Variants in SYNPO2 observed in about 807,000 individuals in gnomAD.
SYNPO2 encodes the protein synaptopodin 2, also known as synaptopodin-2.
In SYNPO2, 56 loss-of-function variants were observed where a neutral mutation model predicts 85.0. The ratio of observed to expected loss-of-function variants is 0.66; its 90% CI spans 0.53 to 0.82. The LOEUF (loss-of-function observed/expected upper bound fraction) is 0.82. SYNPO2 is among the 40% of genes least tolerant of loss of function. The pLI, the probability that SYNPO2 is intolerant of heterozygous loss-of-function variation, is 0.00. For missense variants in SYNPO2, 1,575 were observed against 1,534.2 expected (o/e 1.03, Z -0.44); for synonymous variants, 602 against 591.1 (o/e 1.02, Z -0.27).
At chr4:118,914,500 G>A (rs764287808) in intron 1 of SYNPO2, among the ~76,000 whole-genome samples, 6 of 152,122 alleles carry the variant, frequency 3.9e-5, no homozygotes, top group African/African-American at 1.4e-4. Flanking sequence ...AGTTTAAAAA[G>A]GAGAGTATTT....
chr4:119,034,333 G>T, intron 4 of SYNPO2: 4 of 979,248 alleles, frequency 4.1e-6, no homozygotes, highest in Non-Finnish European at 4.9e-6. Context: ...AGTATCCTAG[G>T]ATGGTAATGA....
At chr4:118,970,931 A>T (rs912497928) in intron 1 of SYNPO2, among the ~76,000 whole-genome samples, 1 of 152,224 alleles carries the variant, frequency 6.6e-6, no homozygotes, top group African/African-American at 2.4e-5. Context: ...TGAGTTCCAG[A>T]GGACACAGAA....
At chr4:119,039,665 G>A (rs1265598935) in intron 4 of SYNPO2, among the ~76,000 whole-genome samples, 1 of 152,090 alleles carries the variant, frequency 6.6e-6, no homozygotes, top group Admixed American at 6.6e-5. Flanking sequence ...CAGCCAACCA[G>A]CATCACATAT....
chr4:118,990,727 G>A (rs776066755), intron 1 of SYNPO2, among the ~76,000 whole-genome samples: 2 of 152,192 alleles, frequency 1.3e-5, no homozygotes, highest in Non-Finnish European at 2.9e-5. Context: ...TCGTGCCTCA[G>A]CCTCCTGAGT....
chr4:118,918,950 G>A (rs939131966), intron 1 of SYNPO2, among the ~76,000 whole-genome samples: 1 of 152,094 alleles, frequency 6.6e-6, no homozygotes, highest in African/African-American at 2.4e-5. Flanking sequence ...ATTATTAATT[G>A]TACCAACCAG....
chr4:118,984,599 T>C (rs1427381507), intron 1 of SYNPO2, among the ~76,000 whole-genome samples: 2 of 152,204 alleles, frequency 1.3e-5, no homozygotes, highest in Non-Finnish European at 2.9e-5. Context: ...CCTCTGCCAG[T>C]GGTGTCTTTC....
At chr4:118,983,951 T>G (rs1736125978) in intron 1 of SYNPO2, among the ~76,000 whole-genome samples, 1 of 152,224 alleles carries the variant, frequency 6.6e-6, no homozygotes, top group Non-Finnish European at 1.5e-5. Context: ...AAATTTCAAC[T>G]ATCCTTGACT....
chr4:118,879,260 G>T (rs569266833), intron 1 of SYNPO2, among the ~76,000 whole-genome samples: 1 of 152,198 alleles, frequency 6.6e-6, no homozygotes, highest in African/African-American at 2.4e-5. Flanking sequence ...TGAACCCACT[G>T]GAATGAACCA....
At chr4:118,955,049 C>T (rs567253173) in intron 1 of SYNPO2, among the ~76,000 whole-genome samples, 2 of 144,080 alleles carry the variant, frequency 1.4e-5, no homozygotes, top group African/African-American at 5.2e-5. Flanking sequence ...ACCTAGGCTA[C>T]AGTGTAGTGG....
intron 1 of SYNPO2, among the ~76,000 whole-genome samples, chr4:118,877,134 A>G (rs1459350274): frequency 6.6e-6 from 1 of 152,122 alleles, no homozygotes; most frequent in African/African-American, 2.4e-5. Flanking sequence ...TGAATGAACT[A>G]TAAACTTAAA....
intron 1 of SYNPO2, among the ~76,000 whole-genome samples, chr4:118,932,590 G>A (rs1395059086): frequency 1.3e-5 from 2 of 152,088 alleles, no homozygotes; most frequent in Non-Finnish European, 2.9e-5. Context: ...TTAAACAAGA[G>A]GCCTTCATAG....
rs531921327 is a variant in SYNPO2, at chr4:118,853,853, A to G, written c.12+2913A>G. On this transcript the variant is annotated intron_variant, in intron 1 of 4. Coordinates refer to the SYNPO2 transcript ENST00000610556. ...CATGGGGAAATGTGGGAAATTACAGATTAGGTGTACATGGAATATGTGCAG... is the reference window on the plus strand; with the variant it reads ...CATGGGGAAATGTGGGAAATTACAGGTTAGGTGTACATGGAATATGTGCAG... Among the ~76,000 whole-genome samples the G allele has an allele frequency of 2.0e-5, 3 of 152,306 alleles. No homozygotes were observed. The East Asian group carries it at 5.8e-4, about 29-fold the overall frequency.
chr4:118,899,986 T>G (rs1254990826), intron 1 of SYNPO2, among the ~76,000 whole-genome samples: 1 of 152,164 alleles, frequency 6.6e-6, no homozygotes, highest in Non-Finnish European at 1.5e-5. Flanking sequence ...GGCCTGGAAC[T>G]CCTGACTTTA....
chr4:119,013,190 G>A (rs555239515), intron 1 of SYNPO2, among the ~76,000 whole-genome samples: 15 of 152,150 alleles, frequency 9.9e-5, no homozygotes, highest in South Asian at 4.1e-4. Context: ...CATTCAAGGC[G>A]GTGACACAAA....
In SYNPO2 at chr4:119,027,412, C is replaced by CT. The variant is rs1738013546; in HGVS notation, c.1044dup (p.His349SerfsTer14). On this transcript the variant is annotated frameshift_variant, in exon 3 of 5. Transcript: ENST00000307142. LOFTEE classifies it high-confidence loss of function. The stretch of plus-strand genomic sequence containing the variant: ...CGCTCGGAAAAAGATCACAGCAGAC[C>CT]TCACAAGCACCGAGCGCGGCATGCA... The CT allele has an allele frequency of 6.2e-7, 1 of 1,603,814 alleles. No individual in the cohort carries two copies.
chr4:118,913,438 A>G (rs1052630021), intron 1 of SYNPO2, among the ~76,000 whole-genome samples: 2 of 152,178 alleles, frequency 1.3e-5, no homozygotes, highest in Non-Finnish European at 2.9e-5. Flanking sequence ...TTTCAAGAAC[A>G]TTCCAGCTCT....
rs573082708 is a variant in SYNPO2 at position 118,900,385 on chromosome 4, T to C, written c.105+11244T>C. 5.9e-5 allele frequency among the ~76,000 whole-genome samples: 9 copies of C among 152,244 alleles called. 1 individual carries two copies. The highest frequency in any genetic ancestry group is 2.2e-4 in the African/African-American group (9 of 41,570). On this transcript the variant is annotated intron_variant, in intron 1 of 4. Coordinates refer to ENST00000307142, the MANE Select transcript of SYNPO2 (RefSeq NM_133477.3). ...CTGTTAAATAAAACTGAAATATCCT[T>C]AGGTTCCACAAGTATTTTAAGGATT...
chr4:118,931,234 A>G (rs1733921632), intron 1 of SYNPO2, among the ~76,000 whole-genome samples: 1 of 152,074 alleles, frequency 6.6e-6, no homozygotes, highest in African/African-American at 2.4e-5. Flanking sequence ...AAAAAAAAAA[A>G]TTCAGGATTG....
intron 2 of SYNPO2, among the ~76,000 whole-genome samples, chr4:119,025,980 C>T (rs6828669): frequency 0.42 from 63,619 of 151,808 alleles, 13,691 homozygotes; most frequent in East Asian, 0.61. Flanking sequence ...AGAAACAGAT[C>T]CAAATAGAAG....
Sources: allele counts gnomAD v4.1 joint callset (sites outside exome capture counted in the v4.1 genomes callset), GRCh38; gene constraint gnomAD v4.1.1; transcripts MANE v1.5; gene names NCBI Gene and HGNC (gene_info 2026-07-23, HGNC 2026-07-21).